OR5AN1: variants seen among roughly 807,000 people sequenced by gnomAD.
OR5AN1 encodes olfactory receptor 5AN1.
For synonymous variants in OR5AN1, 167 were observed against 131.8 expected (o/e 1.27, Z -1.83); for missense variants, 476 against 368.9 (o/e 1.29, Z -2.38).
chr11:59,368,879 G>A lies in OR5AN1; in HGVS notation c.*3485G>A, dbSNP rs1857563682. 2.0e-5 allele frequency: 3 copies of A among 152,240 alleles called. No individual in the cohort carries two copies. The highest frequency in any genetic ancestry group is 1.3e-4 in the Admixed American group (2 of 15,276). The allele number at this position is 152,240 out of a possible 1,614,324, so 9.4% of individuals were successfully genotyped here. ...AAACCACACGTTCTGAGCACTGAGA[G>A]GGAACACAGCTGCAAATGTGAGGAA... On this transcript the variant is annotated 3_prime_UTR_variant, in exon 2 of 2. Coordinates refer to ENST00000641998, the MANE Select transcript of OR5AN1 (RefSeq NM_001004729.2).
At chr11:59,362,995 A>G (rs768629774) in intron 1 of OR5AN1, among the ~76,000 whole-genome samples, 1 of 152,264 alleles carries the variant, frequency 6.6e-6, no homozygotes, top group South Asian at 2.1e-4. Flanking sequence ...CTTGACTGGC[A>G]TGGACACTAG....
rs1857542128 is a variant in OR5AN1 at position 59,366,996 on chromosome 11, T to C, written c.*1602T>C. ...TAAGGTGCCAAATTGCTTATTAATA[T>C]ACAAGGTACATATGAATAAAATAAA... On this transcript the variant is annotated 3_prime_UTR_variant, in exon 2 of 2. Transcript: ENST00000641998. The C allele has an allele frequency of 6.6e-6, 1 of 152,180 alleles. No individual in the cohort carries two copies. The highest frequency in any genetic ancestry group is 2.1e-4 in the South Asian group (1 of 4,834). 9.4% of individuals were successfully genotyped at this position (152,180 alleles called of 1,614,324 possible). A position where few individuals can be genotyped will look rare whatever the true frequency, so the allele number is the denominator to read the frequency against.
intron 1 of OR5AN1, chr11:59,360,136 T>A (rs1857447712): frequency 6.6e-6 from 1 of 152,188 alleles, no homozygotes; most frequent in Non-Finnish European, 1.5e-5. Context: ...AGAAAAGCAA[T>A]CCACAACTCC....
rs1246869588 is a variant in OR5AN1, at chr11:59,365,252, C to A, written c.794C>A (p.Ser265Tyr). Residue 265 changes from serine (S) to tyrosine (Y), a missense_variant, in exon 2 of 2, where the codon TCT (serine) becomes TAT (tyrosine). Ser to Tyr is a moderately radical substitution (Grantham distance 144, BLOSUM62 -2). Transcript: ENST00000641998. ...SGIFVYLSSS[S>Y]GGSSSFDRFA... ...ATCTTTGTCTATTTGAGTTCCAGCT[C>A]TGGAGGTTCTTCAAGCTTTGACAGA... is the stretch of plus-strand genomic sequence containing the variant. 1 of 1,614,058 alleles carries A rather than the reference C, an allele frequency of 6.2e-7. No homozygotes were observed. Among genetic ancestry groups the A allele is most frequent in the East Asian group, 2.2e-5 (1 of 44,874 alleles).
At chr11:59,361,658 C>T (rs1857463897) in intron 1 of OR5AN1, among the ~76,000 whole-genome samples, 1 of 152,136 alleles carries the variant, frequency 6.6e-6, no homozygotes, top group South Asian at 2.1e-4. Context: ...TTATCAGCTT[C>T]ACATATAGAT....
chr11:59,367,693 A>G lies in OR5AN1; in HGVS notation c.*2299A>G, dbSNP rs2134487081. 1 of 152,502 alleles carries G rather than the reference A, an allele frequency of 6.6e-6. No individual in the cohort carries two copies. The highest frequency in any genetic ancestry group is 1.5e-5 in the Non-Finnish European group (1 of 68,246). The allele number at this position is 152,502 out of a possible 1,614,324, so 9.4% of individuals were successfully genotyped here. ...AGAATCTGAGCTGACCCAGGGTGGAAGAGAACCCCCAGCCTAGCACAACAC... is the reference window on the plus strand; with the variant it reads ...AGAATCTGAGCTGACCCAGGGTGGAGGAGAACCCCCAGCCTAGCACAACAC... On this transcript the variant is annotated 3_prime_UTR_variant, in exon 2 of 2. Transcript: ENST00000641998.
rs1458509651 is a variant in OR5AN1, at chr11:59,362,981, G to A, written c.-13-1465G>A. The stretch of plus-strand genomic sequence containing the variant: ...ATGGCTTATATCATTATGGCTCTAG[G>A]TGGCTTGACTGGCATGGACACTAGG... On this transcript the variant is annotated intron_variant, in intron 1 of 1. Coordinates refer to ENST00000641998, the MANE Select transcript of OR5AN1 (RefSeq NM_001004729.2). Among the ~76,000 whole-genome samples, 6 of 152,134 alleles carry A rather than the reference G, an allele frequency of 3.9e-5. No homozygotes were observed. The East Asian group carries it at 1.2e-3, about 29-fold the overall frequency.
chr11:59,365,451 C>T lies in OR5AN1; in HGVS notation c.*57C>T. On this transcript the variant is annotated 3_prime_UTR_variant, in exon 2 of 2. Transcript: ENST00000641998. ...GGCCCATCAGAATCTCCCTAACCCA[C>T]AAAATATGATAATGAATGGACTATA... 1 of 1,040,230 alleles carries T rather than the reference C, an allele frequency of 9.6e-7. No individual in the cohort carries two copies. Among genetic ancestry groups the T allele is most frequent in the African/African-American group, 1.6e-5 (1 of 62,564 alleles). The allele number at this position is 1,040,230 out of a possible 1,614,324, so 64.4% of individuals were successfully genotyped here.
At position 59,364,575 on chromosome 11, in the gene OR5AN1, T is replaced by C. The variant is rs1857501685; in HGVS notation, c.117T>C (p.Ser39=). Reference sequence around the variant, plus strand: ...TATTCCTGGTGATCTACATTACATCTCTGGCCTGGAACCTCTCCCTCATTG... The same window carrying C: ...TATTCCTGGTGATCTACATTACATCCCTGGCCTGGAACCTCTCCCTCATTG... ...FTIFLVIYIT[S]LAWNLSLIVL... is the part of the protein sequence containing the mutation. Residue 39 remains serine (S), a synonymous_variant, in exon 2 of 2, where the codon TCT becomes TCC. Coordinates refer to ENST00000641998, the MANE Select transcript of OR5AN1 (RefSeq NM_001004729.2). 6.2e-7 allele frequency: 1 copy of C among 1,613,888 alleles called. No individual in the cohort carries two copies. Among genetic ancestry groups the C allele is most frequent in the African/African-American group, 1.3e-5 (1 of 74,916 alleles).
In OR5AN1 at chr11:59,367,801, C is replaced by T. The variant is rs778204955; in HGVS notation, c.*2407C>T. 6.6e-6 allele frequency: 1 copy of T among 152,446 alleles called. No homozygotes were observed. Among genetic ancestry groups the T allele is most frequent in the South Asian group, 2.1e-4 (1 of 4,830 alleles). The allele number at this position is 152,446 out of a possible 1,614,324, so 9.4% of individuals were successfully genotyped here. On this transcript the variant is annotated 3_prime_UTR_variant, in exon 2 of 2. Coordinates refer to ENST00000641998, the MANE Select transcript of OR5AN1 (RefSeq NM_001004729.2). ...CTCTTCACTGGGCAGGACCTCCCAA[C>T]TGGGGCCTGCAGCCACCCCCACCAA...
intron 1 of OR5AN1, among the ~76,000 whole-genome samples, chr11:59,362,505 C>T (rs1243623647): frequency 6.6e-6 from 1 of 152,162 alleles, no homozygotes; most frequent in East Asian, 1.9e-4. Flanking sequence ...TACCAACACA[C>T]ATTTATTTAT....
chr11:59,363,006 G>T (rs892954622), intron 1 of OR5AN1, among the ~76,000 whole-genome samples: 2 of 150,176 alleles, frequency 1.3e-5, no homozygotes, highest in African/African-American at 2.5e-5. Context: ...TGGACACTAG[G>T]TCTCAATCTA....
rs1440240405 is a variant in OR5AN1, at chr11:59,369,518, A to G, written c.*4124A>G. On this transcript the variant is annotated 3_prime_UTR_variant, in exon 2 of 2. Transcript: ENST00000641998. ...CAGAATAAACCAAGCTGAGGAAACA[A>G]TCTCAGAACTTGATGCTGGTTCTCT... 15 of 152,328 alleles carry G rather than the reference A, an allele frequency of 9.8e-5. No homozygotes were observed. Among genetic ancestry groups the G allele is most frequent in the Non-Finnish European group, 1.0e-4 (7 of 68,018 alleles). The allele number at this position is 152,328 out of a possible 1,614,324, so 9.4% of individuals were successfully genotyped here. A position where few individuals can be genotyped will look rare whatever the true frequency, so the allele number is the denominator to read the frequency against.
At position 59,364,739 on chromosome 11, in the gene OR5AN1, C is replaced by T. The variant is rs1857504030; in HGVS notation, c.281C>T (p.Thr94Ile). The T allele has an allele frequency of 2.5e-6, 4 of 1,614,056 alleles. No homozygotes were observed. Among genetic ancestry groups the T allele is most frequent in the Non-Finnish European group, 3.4e-6 (4 of 1,179,936 alleles). ...CTCTTACAGGAACAGCAAACTATCA[C>T]TTTTGTTGGTTGTATTATTCAGTAC... ...SNLLQEQQTI[T>I]FVGCIIQYFI... The change falls in exon 2 of 2, where the codon ACT becomes ATT. Residue 94 changes from threonine (T) to isoleucine (I), a missense_variant. By Grantham distance (89) the Thr-to-Ile change is moderately conservative. Transcript: ENST00000641998.
Position 59,368,559 on chromosome 11 carries a change from G to A in OR5AN1, c.*3165G>A, listed in dbSNP as rs1263975458. The stretch of plus-strand genomic sequence containing the variant: ...GAGAAGAGGCTGGTCTGTCTCCCAC[G>A]GGTCCCACACACCCCCCACCACTCA... On this transcript the variant is annotated 3_prime_UTR_variant, in exon 2 of 2. Coordinates refer to ENST00000641998, the MANE Select transcript of OR5AN1 (RefSeq NM_001004729.2). 1 of 152,426 alleles carries A rather than the reference G, an allele frequency of 6.6e-6. No homozygotes were observed. Among genetic ancestry groups the A allele is most frequent in the East Asian group, 1.9e-4 (1 of 5,188 alleles). The allele number at this position is 152,426 out of a possible 1,614,324, so 9.4% of individuals were successfully genotyped here. A position where few individuals can be genotyped will look rare whatever the true frequency, so the allele number is the denominator to read the frequency against.
At chr11:59,362,591 A>G (rs1030042753) in intron 1 of OR5AN1, among the ~76,000 whole-genome samples, 1 of 152,318 alleles carries the variant, frequency 6.6e-6, no homozygotes. Flanking sequence ...ATACTTTTTA[A>G]TATCTGAAAG....
chr11:59,367,159 G>A lies in OR5AN1; in HGVS notation c.*1765G>A, dbSNP rs1857544313. On this transcript the variant is annotated 3_prime_UTR_variant, in exon 2 of 2. Coordinates refer to ENST00000641998, the MANE Select transcript of OR5AN1 (RefSeq NM_001004729.2). ...AATTCAAACCTTAAGAAAACTAGAG[G>A]AGAAGTGGAGGAGTGGGCAAGATGG... The A allele has an allele frequency of 6.6e-6, 1 of 152,214 alleles. No individual in the cohort carries two copies. Among genetic ancestry groups the A allele is most frequent in the South Asian group, 2.1e-4 (1 of 4,832 alleles). 9.4% of individuals were successfully genotyped at this position (152,214 alleles called of 1,614,324 possible).
Position 59,366,388 on chromosome 11 carries a change from A to G in OR5AN1, c.*994A>G, listed in dbSNP as rs1363895684. On this transcript the variant is annotated 3_prime_UTR_variant, in exon 2 of 2. Coordinates refer to ENST00000641998, the MANE Select transcript of OR5AN1 (RefSeq NM_001004729.2). ...GCAGTCATGTTCAGAGAAGTCATGC[A>G]TTTAAGCCTACTCTACATCAGCCAG... 6.6e-6 allele frequency: 1 copy of G among 152,228 alleles called. No individual in the cohort carries two copies. The highest frequency in any genetic ancestry group is 2.4e-5 in the African/African-American group (1 of 41,456). 9.4% of individuals were successfully genotyped at this position (152,228 alleles called of 1,614,324 possible). A position where few individuals can be genotyped will look rare whatever the true frequency, so the allele number is the denominator to read the frequency against.
Position 59,364,896 on chromosome 11 carries a change from A to C in OR5AN1, c.438A>C (p.Val146=). ...IMSPTLCVWM[V]LGAYMTGLTA... ...CACCCACCCTCTGTGTTTGGATGGT[A>C]CTGGGAGCCTACATGACTGGCCTCA... is the stretch of plus-strand genomic sequence containing the variant. The change falls in exon 2 of 2, where the codon GTA becomes GTC. Residue 146 remains valine (V), a synonymous_variant. Coordinates refer to ENST00000641998, the MANE Select transcript of OR5AN1 (RefSeq NM_001004729.2). The C allele has an allele frequency of 6.2e-7, 1 of 1,613,990 alleles. No individual in the cohort carries two copies. Among genetic ancestry groups the C allele is most frequent in the Non-Finnish European group, 8.5e-7 (1 of 1,179,966 alleles).
Sources: allele counts gnomAD v4.1 joint callset (sites outside exome capture counted in the v4.1 genomes callset), GRCh38; gene constraint gnomAD v4.1.1; transcripts MANE v1.5; gene names NCBI Gene and HGNC (gene_info 2026-07-23, HGNC 2026-07-21).